Variants in ATL1 observed in about 807,000 individuals in gnomAD.
The protein encoded by ATL1 is atlastin GTPase 1.
Under a neutral mutation model 75.5 loss-of-function variants are expected in ATL1, and 31 were observed. That is an observed-to-expected ratio of 0.41 (90% confidence interval 0.31 to 0.55). ATL1 has a LOEUF of 0.55. Among genes scored for constraint, ATL1 ranks in the 20% least tolerant of loss-of-function variants. The probability of loss-of-function intolerance (pLI) is 0.27; values close to 1 mark genes in which losing one functional copy is unlikely to be tolerated. For missense variants in ATL1, 405 were observed against 662.6 expected (o/e 0.61, Z 4.27); for synonymous variants, 226 against 233.3 (o/e 0.97, Z 0.28).
At chr14:50,535,000 A>G (rs1420229878) in intron 1 of ATL1, among the ~76,000 whole-genome samples, 2 of 152,228 alleles carry the variant, frequency 1.3e-5, no homozygotes, top group Non-Finnish European at 2.9e-5. Flanking sequence ...GTTTCTTACA[A>G]ACCACCCAGT....
intron 5 of ATL1, among the ~76,000 whole-genome samples, chr14:50,595,046 CAAAG>C (rs1238869919): frequency 6.7e-6 from 1 of 148,434 alleles, no homozygotes. Flanking sequence ...AGAAAAAAGA[CAAAG>C]AAAGGAAAAG....
intron 1 of ATL1, among the ~76,000 whole-genome samples, chr14:50,584,492 A>T (rs1324264470): frequency 6.6e-6 from 1 of 152,246 alleles, no homozygotes; most frequent in Non-Finnish European, 1.5e-5. Context: ...TCACGAGGTC[A>T]GGAGATCGAG....
chr14:50,611,502 G>A (rs1411706133), intron 6 of ATL1, among the ~76,000 whole-genome samples: 1 of 152,072 alleles, frequency 6.6e-6, no homozygotes, highest in Non-Finnish European at 1.5e-5. Flanking sequence ...AGGAAGGGAG[G>A]AGTGGTAAGA....
intron 1 of ATL1, among the ~76,000 whole-genome samples, chr14:50,567,019 T>C (rs1052550524): frequency 8.5e-5 from 13 of 152,212 alleles, no homozygotes; most frequent in Admixed American, 4.6e-4. Flanking sequence ...TACAGTTCCG[T>C]GATACTAGTA....
chr14:50,540,093 C>T (rs909678230), intron 1 of ATL1, among the ~76,000 whole-genome samples: 2 of 152,192 alleles, frequency 1.3e-5, no homozygotes, highest in Non-Finnish European at 2.9e-5. Flanking sequence ...TGGGAGCCCA[C>T]ATTGAAACTG....
At chr14:50,612,830 A>G (rs959039063) in intron 6 of ATL1, among the ~76,000 whole-genome samples, 1 of 152,138 alleles carries the variant, frequency 6.6e-6, no homozygotes, top group Admixed American at 6.6e-5. Context: ...GCATACATAC[A>G]TATCATTTCT....
At chr14:50,540,005 C>G (rs1423365120) in intron 1 of ATL1, among the ~76,000 whole-genome samples, 5 of 152,068 alleles carry the variant, frequency 3.3e-5, no homozygotes, top group African/African-American at 1.2e-4. Flanking sequence ...TTACTCTTTT[C>G]AAGGCATTGA....
chr14:50,612,813 A>G (rs2039378262), intron 6 of ATL1, among the ~76,000 whole-genome samples: 2 of 152,244 alleles, frequency 1.3e-5, no homozygotes, highest in African/African-American at 4.8e-5. Flanking sequence ...TGAACTTTTT[A>G]TGATGCGCAT....
chr14:50,595,825 A>T lies in ATL1; in HGVS notation c.630+193A>T, dbSNP rs1039681478. ...ATCGAATTTTTAAGAATTATTTTTT[A>T]AAAAAGAGATGTGGAAATGAAAGAT... On this transcript the variant is annotated intron_variant, in intron 6 of 13. Coordinates refer to ENST00000358385, the MANE Select transcript of ATL1 (RefSeq NM_015915.5). Among the ~76,000 whole-genome samples the T allele has an allele frequency of 5.3e-5, 8 of 152,120 alleles. No homozygotes were observed. The East Asian group carries it at 7.7e-4, about 15-fold the overall frequency.
At chr14:50,593,973 C>G in intron 5 of ATL1, 77 bp downstream of exon 5, 1 of 1,113,464 alleles carries the variant, frequency 9.0e-7, no homozygotes, top group Non-Finnish European at 1.4e-6. Context: ...GGAATGATTT[C>G]AAAACATAAT....
chr14:50,630,529 C>T (rs1166966218), intron 13 of ATL1, among the ~76,000 whole-genome samples: 1 of 152,296 alleles, frequency 6.6e-6, no homozygotes, highest in African/African-American at 2.4e-5. Context: ...TTTCTCCTAC[C>T]GCACATGTGC....
intron 1 of ATL1, among the ~76,000 whole-genome samples, chr14:50,560,766 G>C (rs1316102642): frequency 6.6e-6 from 1 of 152,218 alleles, no homozygotes; most frequent in Non-Finnish European, 1.5e-5. Flanking sequence ...GCTCTGCAGG[G>C]CGCGGGCTCC....
At chr14:50,573,183 G>A (rs956436469) in intron 1 of ATL1, among the ~76,000 whole-genome samples, 9 of 152,142 alleles carry the variant, frequency 5.9e-5, no homozygotes, top group African/African-American at 1.4e-4. Context: ...GGGACACAGA[G>A]CCAGACCATA....
chr14:50,626,191 T>C (rs2039518822), intron 11 of ATL1, among the ~76,000 whole-genome samples: 1 of 152,242 alleles, frequency 6.6e-6, no homozygotes, highest in Non-Finnish European at 1.5e-5. Context: ...TAATTTTGAC[T>C]TTCAAAAGTT....
At chr14:50,571,403 C>T (rs2038954033) in intron 1 of ATL1, among the ~76,000 whole-genome samples, 1 of 152,148 alleles carries the variant, frequency 6.6e-6, no homozygotes, top group Non-Finnish European at 1.5e-5. Context: ...ACTATCCAAG[C>T]TTATCCCTGG....
Position 50,593,878 on chromosome 14 carries a change from T to C in ATL1, c.555T>C (p.Asp185=). 6.2e-7 allele frequency: 1 copy of C among 1,607,944 alleles called. No individual in the cohort carries two copies. Among genetic ancestry groups the C allele is most frequent in the South Asian group, 1.1e-5 (1 of 90,974 alleles). Residue 185 remains aspartate (D), a synonymous_variant, in exon 5 of 14, where the codon GAT becomes GAC. Coordinates refer to ENST00000358385, the MANE Select transcript of ATL1 (RefSeq NM_015915.5). ...VYNLSQNVQE[D]DLQHLQLFTE... is the part of the protein sequence containing the mutation. ...ACTTATCCCAAAATGTCCAGGAGGA[T>C]GATCTTCAGCACCTCCAGGTAACAA...
At chr14:50,611,372 T>G (rs1245312674) in intron 6 of ATL1, among the ~76,000 whole-genome samples, 1 of 152,132 alleles carries the variant, frequency 6.6e-6, no homozygotes, top group African/African-American at 2.4e-5. Flanking sequence ...AGTACATATA[T>G]AAATTGTCTT....
intron 1 of ATL1, among the ~76,000 whole-genome samples, chr14:50,576,667 C>A (rs911864276): frequency 6.6e-6 from 1 of 152,166 alleles, no homozygotes; most frequent in African/African-American, 2.4e-5. Context: ...TCTGCTATTT[C>A]TGGACCCAAG....
At position 50,569,009 on chromosome 14, in the gene ATL1, A is replaced by G. The variant is rs1318024196; in HGVS notation, c.34+8710A>G. Among the ~76,000 whole-genome samples the G allele has an allele frequency of 2.2e-4, 34 of 152,138 alleles. 1 individual carries two copies. Among genetic ancestry groups the G allele is most frequent in the Admixed American group, 2.2e-3 (34 of 15,260 alleles). The stretch of plus-strand genomic sequence containing the variant: ...AGTTATTGGTATCATAAAAGTATAC[A>G]TATTGTGTGTCCAAAACACATAAAC... On this transcript the variant is annotated intron_variant, in intron 1 of 13. Coordinates refer to ENST00000358385, the MANE Select transcript of ATL1 (RefSeq NM_015915.5).
Sources: allele counts gnomAD v4.1 joint callset (sites outside exome capture counted in the v4.1 genomes callset), GRCh38; gene constraint gnomAD v4.1.1; transcripts MANE v1.5; gene names NCBI Gene and HGNC (gene_info 2026-07-23, HGNC 2026-07-21).